The following EFL1 variants were observed in gnomAD, a reference collection of about 807,000 sequenced individuals.
EFL1 encodes elongation factor like GTPase 1.
Under a neutral mutation model 126.7 loss-of-function variants are expected in EFL1, and 76 were observed. The observed-to-expected ratio is 0.60, with a 90% CI of 0.50 to 0.73. EFL1 has a LOEUF of 0.73. Among genes scored for constraint, EFL1 ranks in the 30% least tolerant of loss-of-function variants. EFL1 has a pLI of 0.00. For synonymous variants in EFL1, 410 were observed against 448.4 expected (o/e 0.91, Z 1.08); for missense variants, 1,128 against 1,343.2 (o/e 0.84, Z 2.50).
At chr15:82,244,046 G>A (rs1426556796) in intron 4 of EFL1, among the ~76,000 whole-genome samples, 1 of 152,136 alleles carries the variant, frequency 6.6e-6, no homozygotes, top group Non-Finnish European at 1.5e-5. Context: ...ATGGTGAGAA[G>A]GAGGAAATGC....
intron 15 of EFL1, among the ~76,000 whole-genome samples, chr15:82,175,832 T>G (rs2074189341): frequency 6.6e-6 from 1 of 152,206 alleles, no homozygotes; most frequent in South Asian, 2.1e-4. Flanking sequence ...AACTGAATTT[T>G]GAAGATTACT....
chr15:82,259,184 C>T (rs1596015415), intron 2 of EFL1, 29 bp from the exon 3 acceptor site: 2 of 1,597,166 alleles, frequency 1.3e-6, no homozygotes, highest in East Asian at 4.5e-5. Flanking sequence ...CAATTCAAAT[C>T]TATATCTTTT....
chr15:82,153,033 A>C (rs1035809358), intron 17 of EFL1, among the ~76,000 whole-genome samples: 1 of 152,212 alleles, frequency 6.6e-6, no homozygotes. Flanking sequence ...CAGCTGAATA[A>C]ATTTTTAATT....
chr15:82,176,670 G>A (rs1261371160), intron 15 of EFL1, among the ~76,000 whole-genome samples: 5 of 152,100 alleles, frequency 3.3e-5, no homozygotes, highest in Non-Finnish European at 7.4e-5. Flanking sequence ...AAACAAGTAT[G>A]GACAAAGATA....
intron 15 of EFL1, among the ~76,000 whole-genome samples, chr15:82,198,124 T>C (rs775481926): frequency 2.0e-5 from 3 of 152,194 alleles, no homozygotes; most frequent in Non-Finnish European, 4.4e-5. Context: ...GGCTCATGCA[T>C]GCGCTGACAT....
chr15:82,208,748 C>T (rs940692323), intron 15 of EFL1, among the ~76,000 whole-genome samples: 1 of 151,602 alleles, frequency 6.6e-6, no homozygotes, highest in African/African-American at 2.4e-5. Context: ...TCTTCAGATG[C>T]TAAGAATGCA....
At chr15:82,178,284 C>T (rs546975792) in intron 15 of EFL1, among the ~76,000 whole-genome samples, 1 of 152,318 alleles carries the variant, frequency 6.6e-6, no homozygotes, top group African/African-American at 2.4e-5. Flanking sequence ...CACCAAATCA[C>T]ACTGGCTCTC....
At chr15:82,250,495 G>A (rs2141336930) in intron 4 of EFL1, among the ~76,000 whole-genome samples, 1 of 138,718 alleles carries the variant, frequency 7.2e-6, no homozygotes, top group South Asian at 2.6e-4. Context: ...GAGCCTGTGT[G>A]CTCAGAAACA....
chr15:82,177,378 T>C (rs1304907283), intron 15 of EFL1, among the ~76,000 whole-genome samples: 1 of 152,130 alleles, frequency 6.6e-6, no homozygotes, highest in Non-Finnish European at 1.5e-5. Flanking sequence ...GAGCACATGG[T>C]TCATCTCCTT....
At chr15:82,197,083 T>A (rs1221431516) in intron 15 of EFL1, among the ~76,000 whole-genome samples, 1 of 151,556 alleles carries the variant, frequency 6.6e-6, no homozygotes, top group Non-Finnish European at 1.5e-5. Flanking sequence ...GTTAACAAAA[T>A]ATATGCAAAT....
intron 14 of EFL1, among the ~76,000 whole-genome samples, chr15:82,217,390 A>AC (rs1180886205): frequency 2.7e-5 from 4 of 150,642 alleles, no homozygotes; most frequent in Non-Finnish European, 4.4e-5. Flanking sequence ...AAAAAAAAAA[A>AC]AAAAACGAAA....
Position 82,198,391 on chromosome 15 carries a change from G to A in EFL1, c.1750+16326C>T, listed in dbSNP as rs180915424. Among the ~76,000 whole-genome samples the A allele has an allele frequency of 7.8e-4, 118 of 152,216 alleles. 1 individual carries two copies. The highest frequency in any genetic ancestry group is 8.5e-4 in the Admixed American group (13 of 15,300). ...AAGAAAGCCATTCTGGACCTCTCCC[G>A]AGGCACAGCCAAGTGAGCTAGTCCT... On this transcript the variant is annotated intron_variant, in intron 15 of 19. Transcript: ENST00000268206.
chr15:82,163,291 T>C (rs1369077535), intron 16 of EFL1, among the ~76,000 whole-genome samples: 3 of 152,160 alleles, frequency 2.0e-5, no homozygotes, highest in Admixed American at 6.5e-5. Context: ...CCTGTAATCC[T>C]AGCAGTTTGG....
chr15:82,197,029 C>T (rs2074415617), intron 15 of EFL1, among the ~76,000 whole-genome samples: 1 of 139,820 alleles, frequency 7.2e-6, no homozygotes, highest in South Asian at 2.2e-4. Flanking sequence ...AAAACTCCAA[C>T]TTAAAAAAAA....
chr15:82,139,587 A>G (rs905788734), intron 18 of EFL1, among the ~76,000 whole-genome samples: 5 of 152,154 alleles, frequency 3.3e-5, no homozygotes, highest in African/African-American at 1.2e-4. Context: ...TGGGTATGCA[A>G]TGTATCCTTT....
chr15:82,161,343 C>A (rs572124293), intron 16 of EFL1, among the ~76,000 whole-genome samples: 5 of 152,180 alleles, frequency 3.3e-5, no homozygotes, highest in African/African-American at 9.6e-5. Flanking sequence ...GGGGTCACTG[C>A]CCCAAAATAA....
chr15:82,177,455 T>G (rs1310138388), intron 15 of EFL1, among the ~76,000 whole-genome samples: 1 of 152,198 alleles, frequency 6.6e-6, no homozygotes, highest in Non-Finnish European at 1.5e-5. Context: ...GTCTTTACAC[T>G]GATTCTCCTG....
At position 82,130,474 on chromosome 15, in the gene EFL1, G is replaced by C. The variant is rs751029793; in HGVS notation, c.3262C>G (p.Arg1088Gly). Residue 1088 changes from arginine (R) to glycine (G), a missense_variant, in exon 20 of 20, where the codon CGG becomes GGG. Coordinates refer to ENST00000268206, the MANE Select transcript of EFL1 (RefSeq NM_024580.6). ...TTTCGTACTGCGTTCATGTACTTCC[G>C]GGCTTGGTTCTCAGAGTCAGCCTTC... Reference protein sequence around the residue: ...GEKADSENQARKYMNAVRKRK... With the variant: ...GEKADSENQAGKYMNAVRKRK... The C allele has an allele frequency of 6.2e-7, 1 of 1,614,052 alleles. No individual in the cohort carries two copies. Among genetic ancestry groups the C allele is most frequent in the Non-Finnish European group, 8.5e-7 (1 of 1,180,026 alleles).
intron 4 of EFL1, among the ~76,000 whole-genome samples, chr15:82,249,465 T>C (rs1447102040): frequency 2.0e-5 from 3 of 152,046 alleles, no homozygotes; most frequent in African/African-American, 7.3e-5. Context: ...ATATAAAAAA[T>C]GGCTATACAG....
Sources: allele counts gnomAD v4.1 joint callset (sites outside exome capture counted in the v4.1 genomes callset), GRCh38; gene constraint gnomAD v4.1.1; transcripts MANE v1.5; gene names NCBI Gene and HGNC (gene_info 2026-07-23, HGNC 2026-07-21).